TMOD1: variants seen among roughly 807,000 people sequenced by gnomAD.
TMOD1 encodes tropomodulin-1.
TMOD1 carries 17 observed loss-of-function variants against 40.6 expected under a neutral mutation model. The ratio of observed to expected loss-of-function variants is 0.42; its 90% confidence interval spans 0.29 to 0.63. TMOD1 has a LOEUF of 0.63. Ranked by LOEUF, TMOD1 falls within the 20% of genes least tolerant of loss-of-function variation. TMOD1 has a pLI of 0.22. For missense variants in TMOD1, 391 were observed against 447.6 expected (o/e 0.87, Z 1.14); for synonymous variants, 181 against 175.0 (o/e 1.03, Z -0.27).
intron 6 of TMOD1, 128 bp from the exon 7 acceptor site, chr9:97,565,720 C>A (rs557948762): frequency 1.7e-4 from 122 of 711,970 alleles, no homozygotes; most frequent in Non-Finnish European, 2.8e-4. Flanking sequence ...AAGCCTAAAC[C>A]TTTTGCCCAT....
chr9:97,511,615 C>T (rs933521940), intron 1 of TMOD1, among the ~76,000 whole-genome samples: 6 of 152,106 alleles, frequency 3.9e-5, no homozygotes, highest in African/African-American at 9.7e-5. Flanking sequence ...TTTTGTGTCT[C>T]ATTCTGTCAC....
intron 1 of TMOD1, among the ~76,000 whole-genome samples, chr9:97,514,254 T>C (rs1347297843): frequency 2.8e-5 from 4 of 143,338 alleles, no homozygotes; most frequent in African/African-American, 1.0e-4. Context: ...GGGGGGGTTG[T>C]GTTTTCTTTT....
chr9:97,532,418 GC>G (rs1830116930), intron 2 of TMOD1, among the ~76,000 whole-genome samples: 1 of 152,072 alleles, frequency 6.6e-6, no homozygotes, highest in Non-Finnish European at 1.5e-5. Flanking sequence ...CCCTCGGGAA[GC>G]CTTTTAGACT....
At chr9:97,545,789 A>C (rs1317701690) in intron 2 of TMOD1, among the ~76,000 whole-genome samples, 1 of 152,172 alleles carries the variant, frequency 6.6e-6, no homozygotes, top group Non-Finnish European at 1.5e-5. Flanking sequence ...ACTCCTGTGA[A>C]TATCTTTATG....
chr9:97,592,774 A>G (rs1004189231), intron 9 of TMOD1, among the ~76,000 whole-genome samples: 3 of 152,176 alleles, frequency 2.0e-5, no homozygotes, highest in Non-Finnish European at 2.9e-5. Flanking sequence ...AAATTCCACA[A>G]ACATATACCA....
chr9:97,545,200 C>T (rs993405633), intron 2 of TMOD1, among the ~76,000 whole-genome samples: 5 of 152,184 alleles, frequency 3.3e-5, no homozygotes, highest in Non-Finnish European at 5.9e-5. Context: ...TGAAGAAGAA[C>T]GCTGGTTTTT....
intron 8 of TMOD1, 102 bp from the exon 9 acceptor site, chr9:97,591,189 C>T (rs1193317115): frequency 7.8e-7 from 1 of 1,275,254 alleles, no homozygotes; most frequent in East Asian, 2.6e-5. Flanking sequence ...AAAATCCCCT[C>T]CCACTACTCA....
intron 8 of TMOD1, among the ~76,000 whole-genome samples, chr9:97,578,935 G>T (rs1266197901): frequency 6.6e-6 from 1 of 152,154 alleles, no homozygotes; most frequent in Non-Finnish European, 1.5e-5. Flanking sequence ...AACTGGGGAG[G>T]GTGGGTGGAG....
intron 1 of TMOD1, among the ~76,000 whole-genome samples, chr9:97,511,552 G>C (rs943708456): frequency 3.3e-5 from 5 of 152,164 alleles, no homozygotes; most frequent in African/African-American, 1.2e-4. Flanking sequence ...TCCCGGCTTA[G>C]CCCAGTGTAC....
intron 8 of TMOD1, among the ~76,000 whole-genome samples, chr9:97,570,488 T>C (rs1805700592): frequency 6.6e-6 from 1 of 152,130 alleles, no homozygotes; most frequent in Non-Finnish European, 1.5e-5. Context: ...ATTTACACTA[T>C]GGAAATTGGC....
chr9:97,515,906 G>C (rs1447406900), intron 1 of TMOD1, among the ~76,000 whole-genome samples: 1 of 152,116 alleles, frequency 6.6e-6, no homozygotes, highest in Non-Finnish European at 1.5e-5. Flanking sequence ...AAGCATAAAA[G>C]TAGTTATATT....
At chr9:97,545,555 CAGG>C (rs1830347188) in intron 2 of TMOD1, among the ~76,000 whole-genome samples, 1 of 152,228 alleles carries the variant, frequency 6.6e-6, no homozygotes, top group African/African-American at 2.4e-5. Context: ...ACAGACCCGT[CAGG>C]AGGTTAGAAG....
chr9:97,541,524 AT>A (rs112157641), intron 2 of TMOD1, among the ~76,000 whole-genome samples: 109 of 138,708 alleles, frequency 7.9e-4, no homozygotes, highest in African/African-American at 1.6e-3. Context: ...TTTATTTTTT[AT>A]TTTTTTTTTT....
chr9:97,569,042 G>A lies in TMOD1; in HGVS notation c.870+5G>A. 5.0e-6 allele frequency: 8 copies of A among 1,614,020 alleles called. No individual in the cohort carries two copies. Among genetic ancestry groups the A allele is most frequent in the Non-Finnish European group, 6.8e-6 (8 of 1,179,952 alleles). ...GAAATGAAAATTGACAACCAGGTGA[G>A]ATGGGCAACGGTCTCCTCAGGTCTG... On this transcript the variant is annotated splice_donor_5th_base_variant and intron_variant, in intron 8 of 9. Transcript: ENST00000259365.
intron 3 of TMOD1, among the ~76,000 whole-genome samples, chr9:97,551,568 A>G (rs1404188772): frequency 6.6e-6 from 1 of 152,154 alleles, no homozygotes; most frequent in Non-Finnish European, 1.5e-5. Context: ...CTATCTATCT[A>G]TCCTTACGCC....
intron 2 of TMOD1, among the ~76,000 whole-genome samples, chr9:97,543,492 C>T (rs1830307183): frequency 6.6e-6 from 1 of 152,212 alleles, no homozygotes; most frequent in Admixed American, 6.5e-5. Context: ...TCTGCATTAT[C>T]TAGTTTAATT....
intron 4 of TMOD1, 139 bp downstream of exon 4, chr9:97,553,539 C>T (rs1246581611): frequency 7.9e-7 from 1 of 1,258,030 alleles, no homozygotes; most frequent in Non-Finnish European, 1.1e-6. Flanking sequence ...AGTGTTCAAA[C>T]AACAATCCAT....
At chr9:97,528,856 T>C (rs1316498556) in intron 2 of TMOD1, among the ~76,000 whole-genome samples, 1 of 152,246 alleles carries the variant, frequency 6.6e-6, no homozygotes, top group Non-Finnish European at 1.5e-5. Flanking sequence ...TTATAGTCCA[T>C]ATTCCTCCTG....
At chr9:97,584,861 A>G (rs1825835951) in intron 8 of TMOD1, among the ~76,000 whole-genome samples, 1 of 152,060 alleles carries the variant, frequency 6.6e-6, no homozygotes. Context: ...TGCTTGGTAG[A>G]TCTTCCTCCA....
Sources: allele counts gnomAD v4.1 joint callset (sites outside exome capture counted in the v4.1 genomes callset), GRCh38; gene constraint gnomAD v4.1.1; transcripts MANE v1.5; gene names NCBI Gene and HGNC (gene_info 2026-07-23, HGNC 2026-07-21).